CLUAP1: variants seen among roughly 807,000 people sequenced by gnomAD.
The protein encoded by CLUAP1 is clusterin-associated protein 1.
CLUAP1 carries 50 observed loss-of-function variants against 55.0 expected under a neutral mutation model. That is an observed-to-expected ratio of 0.91 (90% CI 0.72 to 1.15). The LOEUF is 1.15. Ranked by LOEUF, CLUAP1 falls within the 50% of genes most tolerant of loss-of-function variation. The pLI, the probability that CLUAP1 is intolerant of heterozygous loss-of-function variation, is 0.00. For synonymous variants in CLUAP1, 195 were observed against 175.4 expected (o/e 1.11, Z -0.88); for missense variants, 530 against 507.6 (o/e 1.04, Z -0.42).
At chr16:3,500,455 T>G (rs923795646), upstream of CLUAP1, among the ~76,000 whole-genome samples, 3 of 150,608 alleles carry the variant, frequency 2.0e-5, no homozygotes, top group Admixed American at 6.6e-5. Context: ...CTGCAACCTC[T>G]GCCTGCCGGG....
At chr16:3,496,447 G>A, upstream of CLUAP1, 1 of 985,584 alleles carries the variant, frequency 1.0e-6, no homozygotes, top group Non-Finnish European at 1.5e-6. Flanking sequence ...AAACGGCCGT[G>A]GTTGTGGGGA....
At chr16:3,520,088 AC>A (rs2037804970) in intron 7 of CLUAP1, 52 bp downstream of exon 7, 1 of 1,528,250 alleles carries the variant, frequency 6.5e-7, no homozygotes, top group East Asian at 2.3e-5. Context: ...GAAAGTTCAA[AC>A]AAACTGGGCG....
chr16:3,525,172 C>T (rs181957807), intron 8 of CLUAP1, among the ~76,000 whole-genome samples: 47 of 152,244 alleles, frequency 3.1e-4, no homozygotes, highest in African/African-American at 1.1e-3. Flanking sequence ...AGGCACATTT[C>T]GAGGGCACTA....
At chr16:3,517,571 C>G (rs1421878316) in intron 6 of CLUAP1, among the ~76,000 whole-genome samples, 1 of 152,078 alleles carries the variant, frequency 6.6e-6, no homozygotes, top group African/African-American at 2.4e-5. Flanking sequence ...CTTGACCTCT[C>G]AAAGTGCTGG....
At chr16:3,501,417 C>T (rs2151037405) in intron 1 of CLUAP1, among the ~76,000 whole-genome samples, 1 of 152,368 alleles carries the variant, frequency 6.6e-6, no homozygotes, top group Non-Finnish European at 1.5e-5. Context: ...TGCCGCTCTT[C>T]GCTACCGTAT....
At chr16:3,515,206 AAAG>A (rs901777378) in intron 5 of CLUAP1, among the ~76,000 whole-genome samples, 7 of 152,158 alleles carry the variant, frequency 4.6e-5, no homozygotes, top group South Asian at 4.1e-4. Context: ...AAAAAAAAAA[AAAG>A]AAGCAGCAGC....
At position 3,538,041 on chromosome 16, in the gene CLUAP1, C is replaced by T. The variant is rs1196591495; in HGVS notation, c.*1770C>T. ...AAAAAGCATACAGTAAATAAAAAAG[C>T]ACAAAACAGTTTTCACTTATTTTAC... On this transcript the variant is annotated 3_prime_UTR_variant, in exon 12 of 12. Coordinates refer to ENST00000576634, the MANE Select transcript of CLUAP1 (RefSeq NM_015041.3). 1 of 141,716 alleles carries T rather than the reference C, an allele frequency of 7.1e-6. No individual in the cohort carries two copies. Among genetic ancestry groups the T allele is most frequent in the Non-Finnish European group, 1.5e-5 (1 of 64,742 alleles). The allele number at this position is 141,716 out of a possible 1,614,324, so 8.8% of individuals were successfully genotyped here. A position where few individuals can be genotyped will look rare whatever the true frequency, so the allele number is the denominator to read the frequency against.
At chr16:3,513,610 C>T (rs141791421) in intron 5 of CLUAP1, among the ~76,000 whole-genome samples, 11 of 151,980 alleles carry the variant, frequency 7.2e-5, no homozygotes, top group Middle Eastern at 3.4e-3. Context: ...TCACCACACC[C>T]GGCTAATTTT....
intron 8 of CLUAP1, among the ~76,000 whole-genome samples, chr16:3,525,279 T>C (rs778214664): frequency 1.3e-5 from 2 of 152,166 alleles, no homozygotes; most frequent in Non-Finnish European, 2.9e-5. Flanking sequence ...TTTTGTATTA[T>C]CTGGGGCCAC....
At chr16:3,510,468 G>A (rs541397642) in intron 4 of CLUAP1, among the ~76,000 whole-genome samples, 7 of 152,248 alleles carry the variant, frequency 4.6e-5, no homozygotes, top group East Asian at 1.9e-4. Flanking sequence ...AGCGACACTC[G>A]TCAGCAAGAG....
chr16:3,502,209 G>A (rs745800074), intron 1 of CLUAP1: 1 of 152,186 alleles, frequency 6.6e-6, no homozygotes, highest in Non-Finnish European at 1.5e-5. Context: ...TTGGAAGACC[G>A]AGGCAGGCGG....
intron 4 of CLUAP1, among the ~76,000 whole-genome samples, chr16:3,511,845 CA>C (rs2037632011): frequency 6.6e-6 from 1 of 152,144 alleles, no homozygotes; most frequent in Non-Finnish European, 1.5e-5. Flanking sequence ...GTGTCCCAAC[CA>C]AAGGTAGGAG....
intron 4 of CLUAP1, among the ~76,000 whole-genome samples, chr16:3,509,078 G>A (rs2037565993): frequency 6.6e-6 from 1 of 151,952 alleles, no homozygotes; most frequent in Non-Finnish European, 1.5e-5. Context: ...GCAACATAGT[G>A]AGACGCCATT....
intron 5 of CLUAP1, 47 bp from the exon 6 acceptor site, chr16:3,515,461 G>T (rs199888556): frequency 2.9e-6 from 4 of 1,369,252 alleles, no homozygotes; most frequent in Non-Finnish European, 1.0e-6. Context: ...CTGGTTTTGA[G>T]AACTCCTTTT....
upstream of CLUAP1, among the ~76,000 whole-genome samples, chr16:3,497,764 C>A (rs1194650639): frequency 6.6e-6 from 1 of 152,176 alleles, no homozygotes; most frequent in African/African-American, 2.4e-5. Flanking sequence ...GCTGGGACTA[C>A]AGGTGTGCAC....
chr16:3,533,698 A>G (rs917235195), intron 11 of CLUAP1: 3 of 156,530 alleles, frequency 1.9e-5, no homozygotes, highest in African/African-American at 7.2e-5. Flanking sequence ...GCAAAGGGCG[A>G]CTCAACAGAG....
intron 4 of CLUAP1, among the ~76,000 whole-genome samples, chr16:3,511,083 T>C (rs534057054): frequency 1.3e-5 from 2 of 152,000 alleles, no homozygotes; most frequent in Admixed American, 1.3e-4. Context: ...GCAAAGAAGT[T>C]TGGGGATGTG....
intron 5 of CLUAP1, among the ~76,000 whole-genome samples, chr16:3,514,722 C>A (rs1178397131): frequency 2.0e-5 from 3 of 152,216 alleles, no homozygotes; most frequent in Admixed American, 2.0e-4. Flanking sequence ...TGAGTCCTCA[C>A]ATGGCAGCAG....
At chr16:3,513,373 G>T (rs1179298691) in intron 5 of CLUAP1, among the ~76,000 whole-genome samples, 1 of 152,246 alleles carries the variant, frequency 6.6e-6, no homozygotes, top group African/African-American at 2.4e-5. Context: ...TCCAGCCAAT[G>T]CCAGCCAAGA....
Sources: allele counts gnomAD v4.1 joint callset (sites outside exome capture counted in the v4.1 genomes callset), GRCh38; gene constraint gnomAD v4.1.1; transcripts MANE v1.5; gene names NCBI Gene and HGNC (gene_info 2026-07-23, HGNC 2026-07-21).